The following RALB variants were observed in gnomAD, a reference collection of about 807,000 sequenced individuals.
RALB encodes the protein RAS like proto-oncogene B, also known as ras-related protein Ral-B.
A neutral mutation model predicts 21.3 loss-of-function variants in RALB; 16 were observed. That is an observed-to-expected ratio of 0.75 (90% CI 0.51 to 1.14). The LOEUF (loss-of-function observed/expected upper bound fraction) is 1.14. Among genes scored for constraint, RALB ranks in the 50% most tolerant of loss-of-function variants. The pLI is 0.00. For synonymous variants in RALB, 93 were observed against 96.1 expected, an observed-to-expected ratio of 0.97 and a Z score of 0.19; for missense variants, 161 against 256.2, an observed-to-expected ratio of 0.63 and a Z score of 2.54.
chr2:120,285,340 C>T (rs1690104331), intron 2 of RALB, among the ~76,000 whole-genome samples: 1 of 152,142 alleles, frequency 6.6e-6, no homozygotes, highest in Admixed American at 6.5e-5. Context: ...CGGATTACAA[C>T]CTAAATGATG....
intron 1 of RALB, among the ~76,000 whole-genome samples, chr2:120,253,883 T>A (rs1689125573): frequency 6.6e-6 from 1 of 152,206 alleles, no homozygotes. Context: ...TTTCCTAACC[T>A]CATTTCTTCT....
At chr2:120,282,619 T>G in intron 2 of RALB, among the ~76,000 whole-genome samples, 1 of 150,242 alleles carries the variant, frequency 6.7e-6, no homozygotes, top group African/African-American at 2.5e-5. Context: ...GATTCGAGAG[T>G]TTTTTCTCTT....
chr2:120,258,931 G>A (rs6735554), intron 1 of RALB, among the ~76,000 whole-genome samples: 69,160 of 150,586 alleles, frequency 0.46, 17,360 homozygotes, highest in Middle Eastern at 0.66. Context: ...ATGTTCAGAT[G>A]TGTTCGGAGT....
chr2:120,292,380 G>A (rs1311962946), intron 4 of RALB, among the ~76,000 whole-genome samples: 1 of 152,152 alleles, frequency 6.6e-6, no homozygotes, highest in Admixed American at 6.5e-5. Flanking sequence ...CCTCCCCAGG[G>A]TGGCTGTTGT....
Position 120,293,022 on chromosome 2 carries a change from T to C in RALB, c.502-119T>C, listed in dbSNP as rs113847943. Reference sequence around the variant, plus strand: ...AAATGTAACTACATATCCTGCTTAGTCAAATTATTTCATTGAATCCTTAAA... The same window carrying C: ...AAATGTAACTACATATCCTGCTTAGCCAAATTATTTCATTGAATCCTTAAA... On this transcript the variant is annotated intron_variant, in intron 4 of 4. Transcript: ENST00000272519. 7.9e-4 allele frequency: 850 copies of C among 1,074,578 alleles called. 7 individuals are homozygous for C. In the African/African-American group the frequency reaches 0.013, roughly 16 times the overall value. 66.6% of individuals were successfully genotyped at this position (1,074,578 alleles called of 1,614,324 possible).
chr2:120,292,703 C>T (rs1329288495), intron 4 of RALB, among the ~76,000 whole-genome samples: 5 of 151,848 alleles, frequency 3.3e-5, no homozygotes, highest in Non-Finnish European at 4.4e-5. Flanking sequence ...GCCTGTAATC[C>T]GAGCACTTGG....
At chr2:120,250,297 C>T (rs1415091931), upstream of RALB, among the ~76,000 whole-genome samples, 1 of 152,190 alleles carries the variant, frequency 6.6e-6, no homozygotes, top group African/African-American at 2.4e-5. Flanking sequence ...GGTAGGGGGC[C>T]TGTGCTCATT....
At chr2:120,253,913 G>A (rs1410099118) in intron 1 of RALB, among the ~76,000 whole-genome samples, 2 of 152,170 alleles carry the variant, frequency 1.3e-5, no homozygotes, top group Non-Finnish European at 2.9e-5. Context: ...GGGATGGATG[G>A]TGGGCATGGA....
At chr2:120,271,319 G>A (rs1689660287) in intron 1 of RALB, among the ~76,000 whole-genome samples, 1 of 152,166 alleles carries the variant, frequency 6.6e-6, no homozygotes. Flanking sequence ...GTGGTAGAGA[G>A]CCCTATCTAA....
intron 1 of RALB, among the ~76,000 whole-genome samples, chr2:120,277,582 G>A (rs1052251225): frequency 2.0e-5 from 3 of 152,042 alleles, no homozygotes; most frequent in African/African-American, 7.2e-5. Flanking sequence ...GAGGACAAGT[G>A]TGTGATAGTG....
chr2:120,265,865 A>G (rs1314061117), intron 1 of RALB, among the ~76,000 whole-genome samples: 1 of 152,234 alleles, frequency 6.6e-6, no homozygotes, highest in African/African-American at 2.4e-5. Flanking sequence ...CATGTATGCT[A>G]ATTCCAAATT....
chr2:120,258,094 T>C (rs1573324835), intron 1 of RALB, among the ~76,000 whole-genome samples: 1 of 152,328 alleles, frequency 6.6e-6, no homozygotes, highest in East Asian at 1.9e-4. Flanking sequence ...TTCTACTCTG[T>C]AGCCAGAATT....
intron 1 of RALB, among the ~76,000 whole-genome samples, chr2:120,270,196 C>T (rs1689627444): frequency 1.3e-5 from 2 of 151,990 alleles, no homozygotes; most frequent in Non-Finnish European, 2.9e-5. Flanking sequence ...TATAATTCTC[C>T]TTTGCTTTTC....
chr2:120,282,937 C>G (rs1481713648), intron 2 of RALB, among the ~76,000 whole-genome samples: 1 of 151,874 alleles, frequency 6.6e-6, no homozygotes, highest in Admixed American at 6.6e-5. Flanking sequence ...CAGAATGGTT[C>G]TAGAATCATA....
At chr2:120,277,701 G>A (rs1357621689) in intron 1 of RALB, among the ~76,000 whole-genome samples, 1 of 151,946 alleles carries the variant, frequency 6.6e-6, no homozygotes, top group Non-Finnish European at 1.5e-5. Context: ...GTGTGTATGT[G>A]GGTGTGTGTG....
chr2:120,277,525 TGA>T (rs1450614339), intron 1 of RALB, among the ~76,000 whole-genome samples: 19 of 145,184 alleles, frequency 1.3e-4, no homozygotes, highest in Admixed American at 2.7e-4. Flanking sequence ...AGAGCGTATG[TGA>T]GTGTGTAGTT....
chr2:120,283,609 G>A (rs987908469), intron 2 of RALB, among the ~76,000 whole-genome samples: 10 of 152,180 alleles, frequency 6.6e-5, no homozygotes, highest in African/African-American at 2.2e-4. Context: ...CCTTATGCTC[G>A]GCCTAACATA....
chr2:120,260,063 C>T (rs959845190), intron 1 of RALB, among the ~76,000 whole-genome samples: 9 of 152,342 alleles, frequency 5.9e-5, no homozygotes, highest in African/African-American at 2.2e-4. Context: ...CCCACCAAGC[C>T]CACGCCCACC....
chr2:120,265,963 A>G (rs1435930999), intron 1 of RALB, among the ~76,000 whole-genome samples: 1 of 152,244 alleles, frequency 6.6e-6, no homozygotes, highest in Non-Finnish European at 1.5e-5. Context: ...ATCTGTATAA[A>G]TGTGTAACCA....
Sources: allele counts gnomAD v4.1 joint callset (sites outside exome capture counted in the v4.1 genomes callset), GRCh38; gene constraint gnomAD v4.1.1; transcripts MANE v1.5; gene names NCBI Gene and HGNC (gene_info 2026-07-23, HGNC 2026-07-21).